The following KDM4B variants were observed in gnomAD, a reference collection of about 807,000 sequenced individuals.
The protein encoded by KDM4B is lysine demethylase 4B, also known as lysine-specific demethylase 4B.
In KDM4B, 32 loss-of-function variants were observed where a neutral mutation model predicts 125.2. The observed-to-expected ratio is 0.26, with a 90% confidence interval of 0.19 to 0.34. KDM4B has a LOEUF of 0.34. Ranked by LOEUF, KDM4B falls within the 10% of genes least tolerant of loss-of-function variation. The probability of loss-of-function intolerance (pLI) is 1.00; values close to 1 mark genes in which losing one functional copy is unlikely to be tolerated. For missense variants in KDM4B, 1,190 were observed against 1,577.7 expected, an observed-to-expected ratio of 0.75 and a Z score of 4.16; for synonymous variants, 721 against 677.9, an observed-to-expected ratio of 1.06 and a Z score of -0.99.
At chr19:5,127,662 G>A (rs1347115752) in intron 11 of KDM4B, among the ~76,000 whole-genome samples, 2 of 152,214 alleles carry the variant, frequency 1.3e-5, no homozygotes, top group Non-Finnish European at 2.9e-5. Flanking sequence ...GAACCAGGCA[G>A]CCAACCAGGG....
chr19:5,087,062 T>C (rs141151555), intron 9 of KDM4B, among the ~76,000 whole-genome samples: 103 of 152,358 alleles, frequency 6.8e-4, no homozygotes, highest in Middle Eastern at 3.4e-3. Flanking sequence ...TCCCGTCTTC[T>C]GCAGAGCAGG....
intron 1 of KDM4B, among the ~76,000 whole-genome samples, chr19:4,987,971 C>T (rs1220448807): frequency 2.0e-5 from 3 of 152,222 alleles, no homozygotes; most frequent in Admixed American, 6.5e-5. Context: ...TTCACGCCCC[C>T]AGCTCGGCCA....
At chr19:5,080,654 G>A (rs1380464392) in intron 8 of KDM4B, 6 of 152,232 alleles carry the variant, frequency 3.9e-5, no homozygotes, top group East Asian at 1.9e-4. Flanking sequence ...TCTTGGAAAC[G>A]GAAGCATGTA....
At chr19:5,084,505 T>C (rs1303629946) in intron 9 of KDM4B, among the ~76,000 whole-genome samples, 2 of 102,104 alleles carry the variant, frequency 2.0e-5, no homozygotes, top group Non-Finnish European at 3.7e-5. Flanking sequence ...ATTTATATAT[T>C]ATATATAAAT....
chr19:5,026,841 AC>A (rs1489830643), intron 2 of KDM4B, among the ~76,000 whole-genome samples: 2 of 151,968 alleles, frequency 1.3e-5, no homozygotes, highest in African/African-American at 4.8e-5. Context: ...ATCCCTCCCT[AC>A]CCCTGCCCTG....
Position 5,069,971 on chromosome 19 carries a change from G to A in KDM4B, c.627-1039G>A, listed in dbSNP as rs531912342. Among the ~76,000 whole-genome samples the A allele has an allele frequency of 2.8e-4, 42 of 152,222 alleles. No homozygotes were observed. The South Asian group carries it at 8.1e-3, about 29-fold the overall frequency. On this transcript the variant is annotated intron_variant, in intron 6 of 22. Coordinates refer to ENST00000159111, the MANE Select transcript of KDM4B (RefSeq NM_015015.3). ...AAGGGGCTGTAGTGGAGCAGGGGCC[G>A]TCTCCCACCCTCTGAGCTTTTCCTT...
In KDM4B at chr19:5,115,965, T is replaced by C. The variant is rs1225175956; in HGVS notation, c.1116-3688T>C. ...TGTCCCGGGACCCAAAGGCTTTGCA[T>C]TTCCAGGTTAAAAAGTCCACCAGAA... On this transcript the variant is annotated intron_variant, in intron 10 of 22. Coordinates refer to ENST00000159111, the MANE Select transcript of KDM4B (RefSeq NM_015015.3). The surrounding 1 kb of genome is among the most constrained non-coding windows in gnomAD (Gnocchi z 4.2). Among the ~76,000 whole-genome samples the C allele has an allele frequency of 1.3e-5, 2 of 152,128 alleles. No homozygotes were observed. The highest frequency in any genetic ancestry group is 4.8e-5 in the African/African-American group (2 of 41,422).
intron 6 of KDM4B, among the ~76,000 whole-genome samples, chr19:5,065,889 T>A (rs1322711568): frequency 6.6e-6 from 1 of 151,926 alleles, no homozygotes. Flanking sequence ...CCTCGCAGCA[T>A]CCCCCGGGCA....
chr19:5,008,161 C>G (rs986845000), intron 1 of KDM4B, among the ~76,000 whole-genome samples: 2 of 152,168 alleles, frequency 1.3e-5, no homozygotes, highest in Non-Finnish European at 2.9e-5. Context: ...ACATTTAGAT[C>G]TATGACCTAT....
rs141318085 is a variant in KDM4B at position 5,057,315 on chromosome 19, G to A, written c.626+9646G>A. On this transcript the variant is annotated intron_variant, in intron 6 of 22. Coordinates refer to ENST00000159111, the MANE Select transcript of KDM4B (RefSeq NM_015015.3). ...CTTACAAATGGGCTGATTTCCTTGC[G>A]TTTCTGCTCAATGGTGTGTGTGTAA... is the stretch of plus-strand genomic sequence containing the variant. Among the ~76,000 whole-genome samples, 363 of 152,262 alleles carry A rather than the reference G, an allele frequency of 2.4e-3. 2 individuals are homozygous for A. The highest frequency in any genetic ancestry group is 8.2e-3 in the African/African-American group (339 of 41,530).
intron 10 of KDM4B, 62 bp downstream of exon 10, chr19:5,110,880 G>A: frequency 7.2e-7 from 1 of 1,383,342 alleles, no homozygotes. Flanking sequence ...CCTGCTGGGT[G>A]GCCCAGGCCC....
chr19:5,138,586 A>G lies in KDM4B; in HGVS notation c.2550+516A>G, dbSNP rs146454784. The G allele has an allele frequency of 8.9e-3, 1,419 of 160,152 alleles. 6 individuals carry two copies. The highest frequency in any genetic ancestry group is 0.012 in the Non-Finnish European group (900 of 72,446). The allele number at this position is 160,152 out of a possible 1,614,324, so 9.9% of individuals were successfully genotyped here. ...TGGGAGGATCGCCTGAGCCCGGGAT[A>G]CCCAGGCTGCAGTGAGCTGTGATGG... On this transcript the variant is annotated intron_variant, in intron 18 of 22. Transcript: ENST00000159111.
At chr19:5,020,109 G>A (rs1209701754) in intron 2 of KDM4B, among the ~76,000 whole-genome samples, 1 of 148,342 alleles carries the variant, frequency 6.7e-6, no homozygotes, top group Non-Finnish European at 1.5e-5. Context: ...GTGTTAGTGT[G>A]CAGGTGTTAG....
intron 1 of KDM4B, among the ~76,000 whole-genome samples, chr19:4,979,554 A>C (rs2034567405): frequency 1.3e-5 from 2 of 152,122 alleles, no homozygotes; most frequent in African/African-American, 4.8e-5. Flanking sequence ...GTGTTACCCG[A>C]ACCAGTGTGA....
chr19:5,058,835 C>T (rs1251100948), intron 6 of KDM4B, among the ~76,000 whole-genome samples: 1 of 152,216 alleles, frequency 6.6e-6, no homozygotes, highest in Non-Finnish European at 1.5e-5. Context: ...AGGTAGGAGC[C>T]AAACAAACCT....
chr19:5,016,238 T>TTTTA lies in KDM4B; in HGVS notation c.-108-15_-108-12dup, dbSNP rs2035889075. On this transcript the variant is annotated intron_variant, in intron 1 of 22. Transcript: ENST00000159111. ...GTGCCATCAGTTTAGTTAATCATGC[T>TTTTA]TTTATTTGCATGTTTTAGGAACCAT... 6.6e-6 allele frequency: 1 copy of TTTTA among 152,280 alleles called. No individual in the cohort carries two copies. The highest frequency in any genetic ancestry group is 1.5e-5 in the Non-Finnish European group (1 of 68,052). The allele number at this position is 152,280 out of a possible 1,614,324, so 9.4% of individuals were successfully genotyped here. A position where few individuals can be genotyped will look rare whatever the true frequency, so the allele number is the denominator to read the frequency against.
At chr19:5,113,874 A>G (rs897448648) in intron 10 of KDM4B, 49 of 984,942 alleles carry the variant, frequency 5.0e-5, no homozygotes, top group Non-Finnish European at 5.5e-5. Context: ...GATGGCCCTC[A>G]TGTGTTTACC....
At chr19:5,111,249 G>A (rs940626748) in intron 10 of KDM4B, 17 of 644,092 alleles carry the variant, frequency 2.6e-5, no homozygotes, top group African/African-American at 5.4e-5. Flanking sequence ...CTGGCGCTGA[G>A]AGCAGTCGGG....
At chr19:5,124,467 G>A (rs978092888) in intron 11 of KDM4B, among the ~76,000 whole-genome samples, 2 of 152,140 alleles carry the variant, frequency 1.3e-5, no homozygotes, top group Admixed American at 6.5e-5. Flanking sequence ...AGGATCCCCC[G>A]TACCATGGGT....
Sources: gnomAD v4.1 joint callset for allele counts (sites outside exome capture counted in the v4.1 genomes callset) on GRCh38, gnomAD v4.1.1 for gene constraint, Gnocchi (gnomAD v3.1) non-coding constraint, MANE v1.5 for transcripts, NCBI Gene and HGNC (gene_info 2026-07-23, HGNC 2026-07-21) for gene names.